The following LPP variants were observed in gnomAD, a reference collection of about 807,000 sequenced individuals.
LPP encodes the protein LIM domain containing preferred translocation partner in lipoma.
LPP carries 38 observed loss-of-function variants against 60.4 expected under a neutral mutation model. The observed-to-expected ratio is 0.63, with a 90% CI of 0.49 to 0.83. The LOEUF (loss-of-function observed/expected upper bound fraction) is 0.83. Ranked by LOEUF, LPP falls within the 40% of genes least tolerant of loss-of-function variation. LPP has a pLI of 0.00. For synonymous variants in LPP, 328 were observed against 290.8 expected (o/e 1.13, Z -1.30); for missense variants, 902 against 783.6 (o/e 1.15, Z -1.80).
chr3:188,766,186 A>G (rs1243341497), intron 9 of LPP, among the ~76,000 whole-genome samples: 4 of 151,756 alleles, frequency 2.6e-5, no homozygotes, highest in Non-Finnish European at 5.9e-5. Flanking sequence ...TAAATTTTCT[A>G]CGTGAAGATC....
At chr3:188,306,734 C>T (rs991235004) in intron 2 of LPP, among the ~76,000 whole-genome samples, 1 of 152,200 alleles carries the variant, frequency 6.6e-6, no homozygotes, top group Non-Finnish European at 1.5e-5. Flanking sequence ...GTGACAGCCG[C>T]TTGGCGCTAG....
chr3:188,247,050 G>T (rs1560153064), intron 2 of LPP: 2 of 233,466 alleles, frequency 8.6e-6, no homozygotes, highest in Non-Finnish European at 1.4e-5. Flanking sequence ...TGACATGTTT[G>T]TGTGGAGACC....
intron 5 of LPP, among the ~76,000 whole-genome samples, chr3:188,489,406 A>C (rs1195626737): frequency 6.6e-6 from 1 of 152,158 alleles, no homozygotes; most frequent in African/African-American, 2.4e-5. Context: ...AATTGAACTG[A>C]ACTTTGATGG....
At chr3:188,583,717 A>G (rs1437391823) in intron 6 of LPP, among the ~76,000 whole-genome samples, 1 of 152,158 alleles carries the variant, frequency 6.6e-6, no homozygotes, top group Non-Finnish European at 1.5e-5. Context: ...ACACTCAGTA[A>G]ATATTTGATG....
chr3:188,309,723 G>A (rs955629590), intron 2 of LPP, among the ~76,000 whole-genome samples: 2 of 152,146 alleles, frequency 1.3e-5, no homozygotes, highest in Non-Finnish European at 2.9e-5. Context: ...AGTGTCATGA[G>A]TGAGGTGGCT....
chr3:188,774,315 A>T (rs750370639), intron 9 of LPP, among the ~76,000 whole-genome samples: 2 of 152,010 alleles, frequency 1.3e-5, no homozygotes, highest in Non-Finnish European at 2.9e-5. Flanking sequence ...CAGAACTTTC[A>T]TCTATGTCTT....
chr3:188,258,349 G>A (rs961957443), intron 2 of LPP, among the ~76,000 whole-genome samples: 8 of 152,162 alleles, frequency 5.3e-5, no homozygotes, highest in African/African-American at 9.7e-5. Flanking sequence ...TTGAGACAGC[G>A]TCTCCCTCTG....
chr3:188,256,933 C>T (rs912919382), intron 2 of LPP, among the ~76,000 whole-genome samples: 1 of 152,290 alleles, frequency 6.6e-6, no homozygotes, highest in South Asian at 2.1e-4. Context: ...TATTAATTTG[C>T]AGATTGTTTC....
At chr3:188,870,341 G>C (rs191805783) in intron 10 of LPP, among the ~76,000 whole-genome samples, 45 of 152,334 alleles carry the variant, frequency 3.0e-4, no homozygotes, top group African/African-American at 9.4e-4. Flanking sequence ...CAGAAAAGCA[G>C]ATTTCTTTAA....
intron 8 of LPP, among the ~76,000 whole-genome samples, chr3:188,718,866 A>C (rs1431176518): frequency 6.6e-6 from 1 of 152,238 alleles, no homozygotes; most frequent in East Asian, 1.9e-4. Context: ...GCTGGAGGGA[A>C]TCTTAAGAGA....
intron 5 of LPP, among the ~76,000 whole-genome samples, chr3:188,511,710 A>G (rs1383280128): frequency 6.6e-6 from 1 of 152,166 alleles, no homozygotes; most frequent in Non-Finnish European, 1.5e-5. Flanking sequence ...TGAAAACAGG[A>G]ATAATAACAT....
In LPP at chr3:188,760,433, T is replaced by TGCGCGC. The variant is rs1553836276; in HGVS notation, c.1410+152_1410+153insCGCGCG. ...GGGTGTGTGTGTGTGTGTGTGTGTG[T>TGCGCGC]GTGCGTGCGCGCATGTAAATTAGCA... On this transcript the variant is annotated intron_variant, in intron 9 of 11. Coordinates refer to ENST00000617246, the MANE Select transcript of LPP (RefSeq NM_001375462.1). The TGCGCGC allele has an allele frequency of 1.1e-5, 8 of 730,136 alleles. No individual in the cohort carries two copies. The African/African-American group carries it at 1.5e-4, about 13-fold the overall frequency. The allele number at this position is 730,136 out of a possible 1,614,324, so 45.2% of individuals were successfully genotyped here.
At chr3:188,719,104 T>C (rs1256999633) in intron 8 of LPP, among the ~76,000 whole-genome samples, 2 of 152,210 alleles carry the variant, frequency 1.3e-5, no homozygotes, top group African/African-American at 2.4e-5. Context: ...CTCTTTTGCA[T>C]GTATCTTCTG....
At chr3:188,541,352 GCTTCTT>G (rs1462669930) in intron 6 of LPP, among the ~76,000 whole-genome samples, 2 of 152,122 alleles carry the variant, frequency 1.3e-5, no homozygotes, top group African/African-American at 4.8e-5. Context: ...ACCCTTTAAA[GCTTCTT>G]GTCAGTCACA....
chr3:188,651,448 TAGAAACA>T (rs1852060395), intron 7 of LPP, among the ~76,000 whole-genome samples: 1 of 152,166 alleles, frequency 6.6e-6, no homozygotes, highest in Non-Finnish European at 1.5e-5. Flanking sequence ...CGGGCAAGGG[TAGAAACA>T]ATCGTTTTAT....
chr3:188,560,296 A>G (rs765983823), intron 6 of LPP, among the ~76,000 whole-genome samples: 4 of 152,082 alleles, frequency 2.6e-5, no homozygotes, highest in Non-Finnish European at 4.4e-5. Context: ...GGAGTCGTCT[A>G]TGCACAGATA....
At chr3:188,771,467 T>C (rs1283419561) in intron 9 of LPP, among the ~76,000 whole-genome samples, 1 of 147,136 alleles carries the variant, frequency 6.8e-6, no homozygotes, top group Non-Finnish European at 1.5e-5. Flanking sequence ...GAGAATCACT[T>C]GAACCCAGGA....
chr3:188,339,831 CTT>C (rs1336517423), intron 2 of LPP, among the ~76,000 whole-genome samples: 1 of 152,202 alleles, frequency 6.6e-6, no homozygotes, highest in African/African-American at 2.4e-5. Context: ...TGCTTCGACA[CTT>C]TGCCCAGGGA....
chr3:188,575,758 G>A (rs917381482), intron 6 of LPP, among the ~76,000 whole-genome samples: 2 of 152,070 alleles, frequency 1.3e-5, no homozygotes, highest in Admixed American at 6.6e-5. Context: ...TTAAATTAGC[G>A]CTGCTGATGA....
Sources: allele counts gnomAD v4.1 joint callset (sites outside exome capture counted in the v4.1 genomes callset), GRCh38; gene constraint gnomAD v4.1.1; transcripts MANE v1.5; gene names NCBI Gene and HGNC (gene_info 2026-07-23, HGNC 2026-07-21).